Variants in PTPRQ observed in about 807,000 individuals in gnomAD.
PTPRQ encodes the protein phosphatidylinositol phosphatase PTPRQ.
Under a neutral mutation model 246.0 loss-of-function variants are expected in PTPRQ, and 199 were observed. The ratio of observed to expected loss-of-function variants is 0.81; its 90% CI spans 0.72 to 0.91. The LOEUF (loss-of-function observed/expected upper bound fraction) is 0.91. PTPRQ is among the 40% of genes least tolerant of loss of function. PTPRQ has a pLI of 0.00. For missense variants in PTPRQ, 2,624 were observed against 2,528.4 expected (o/e 1.04, Z -0.81); for synonymous variants, 869 against 853.2 (o/e 1.02, Z -0.32).
chr12:80,579,418 C>T lies in PTPRQ; in HGVS notation c.4286-8711C>T, dbSNP rs151049897. On this transcript the variant is annotated intron_variant, in intron 25 of 44. Coordinates refer to ENST00000644991, the MANE Select transcript of PTPRQ (RefSeq NM_001145026.2). ...TTGTTGCCACTTATGTATCTCTCCCCGTACTCAACCCACTGAATCCTTTTT... is the reference window on the plus strand; with the variant it reads ...TTGTTGCCACTTATGTATCTCTCCCTGTACTCAACCCACTGAATCCTTTTT... 1.4e-4 allele frequency among the ~76,000 whole-genome samples: 22 copies of T among 152,270 alleles called. 2 individuals are homozygous for T. The highest frequency in any genetic ancestry group is 4.1e-4 in the African/African-American group (17 of 41,552).
intron 24 of PTPRQ, 139 bp from the exon 25 acceptor site, chr12:80,549,326 T>A: frequency 9.2e-7 from 1 of 1,087,374 alleles, no homozygotes; most frequent in Non-Finnish European, 1.3e-6. Flanking sequence ...AATGACTTTT[T>A]AAGCACACAT....
At chr12:80,637,734 C>G (rs770742710) in intron 35 of PTPRQ, among the ~76,000 whole-genome samples, 1 of 152,064 alleles carries the variant, frequency 6.6e-6, no homozygotes, top group Non-Finnish European at 1.5e-5. Context: ...GAAAAAATAA[C>G]AAATATAATT....
intron 23 of PTPRQ, 52 bp from the exon 24 acceptor site, chr12:80,546,504 T>C (rs1038177039): frequency 6.7e-7 from 1 of 1,489,792 alleles, no homozygotes; most frequent in East Asian, 2.5e-5. Flanking sequence ...ATTCCATTGA[T>C]GAACAATTTT....
intron 26 of PTPRQ, among the ~76,000 whole-genome samples, chr12:80,597,212 A>G (rs930534722): frequency 1.3e-5 from 2 of 151,892 alleles, no homozygotes; most frequent in African/African-American, 4.8e-5. Context: ...TATCCTAGAT[A>G]TTTTTTACCC....
In PTPRQ at chr12:80,613,645, A is replaced by T. The variant is rs765353160; in HGVS notation, c.4972A>T (p.Thr1658Ser). ...MTFQKIPDEV[T>S]KFQLTFLPPS... ...ATTTCAGAAGATACCAGATGAAGTT[A>T]CAAAATTTCAATTAACGTTCCTTCC... The change falls in exon 29 of 45, where the codon ACA (threonine) becomes TCA (serine). Residue 1658 changes from threonine to serine, a missense_variant. Thr to Ser is a moderately conservative substitution (Grantham distance 58). Transcript: ENST00000644991. 3.2e-6 allele frequency: 5 copies of T among 1,545,632 alleles called. No individual in the cohort carries two copies. Among genetic ancestry groups the T allele is most frequent in the East Asian group, 2.5e-5 (1 of 40,712 alleles).
At position 80,513,086 on chromosome 12, in the gene PTPRQ, T is replaced by A. The variant is rs185075338; in HGVS notation, c.2678+2643T>A. ...TGTGTTACAGTATGCTCTTTTAGTT[T>A]AGCCATCCGTAGGGGGCTTGTGTTA... On this transcript the variant is annotated intron_variant, in intron 17 of 44. Transcript: ENST00000644991. Among the ~76,000 whole-genome samples the A allele has an allele frequency of 5.8e-3, 884 of 152,206 alleles. 10 individuals carry two copies. Among genetic ancestry groups the A allele is most frequent in the African/African-American group, 0.021 (858 of 41,520 alleles).
chr12:80,478,666 C>T (rs980596435), intron 8 of PTPRQ, among the ~76,000 whole-genome samples: 1 of 152,062 alleles, frequency 6.6e-6, no homozygotes, highest in Admixed American at 6.5e-5. Context: ...ATAACCAATA[C>T]AGAGAAGTGC....
intron 27 of PTPRQ, among the ~76,000 whole-genome samples, chr12:80,609,477 T>G (rs560930818): frequency 2.7e-5 from 4 of 150,638 alleles, no homozygotes; most frequent in Non-Finnish European, 6.0e-5. Context: ...GTATGTATGA[T>G]AGGATTTTGA....
intron 6 of PTPRQ, among the ~76,000 whole-genome samples, chr12:80,467,957 T>C (rs564659056): frequency 1.3e-5 from 2 of 152,294 alleles, no homozygotes; most frequent in African/African-American, 2.4e-5. Context: ...TGTATACATA[T>C]GTAACTAACC....
In PTPRQ at chr12:80,541,621, GGGTCCCACCGGCTCAACCAAAC is replaced by G; in HGVS notation, c.3226_3247del (p.Pro1076Ter). Reference sequence around the variant, plus strand: ...TCGTCAACTGCAATAAATGTAAGCTGGGTCCCACCGGCTCAACCAAACGGTCTAGTCTTCTACTATGTTTCAC... The same window carrying G: ...TCGTCAACTGCAATAAATGTAAGCTGGGTCTAGTCTTCTACTATGTTTCAC... On this transcript the variant is annotated frameshift_variant, in exon 21 of 45. Coordinates refer to ENST00000644991, the MANE Select transcript of PTPRQ (RefSeq NM_001145026.2). LOFTEE classifies it high-confidence loss of function. 1 of 1,547,548 alleles carries G rather than the reference GGGTCCCACCGGCTCAACCAAAC, an allele frequency of 6.5e-7. No individual in the cohort carries two copies. Among genetic ancestry groups the G allele is most frequent in the Non-Finnish European group, 8.7e-7 (1 of 1,145,164 alleles).
intron 14 of PTPRQ, among the ~76,000 whole-genome samples, chr12:80,500,870 T>C (rs918696055): frequency 6.6e-5 from 10 of 151,932 alleles, no homozygotes; most frequent in African/African-American, 1.7e-4. Flanking sequence ...AAATTTGTGA[T>C]TTTTGGTAGT....
intron 16 of PTPRQ, among the ~76,000 whole-genome samples, chr12:80,507,212 G>A (rs4635147): frequency 0.87 from 131,410 of 151,828 alleles, 57,550 homozygotes; most frequent in Non-Finnish European, 0.93. Flanking sequence ...CCCAAATAAA[G>A]TCAACTTTAC....
intron 26 of PTPRQ, among the ~76,000 whole-genome samples, chr12:80,597,906 G>C (rs190926763): frequency 5.1e-4 from 77 of 152,092 alleles, no homozygotes; most frequent in Middle Eastern, 3.4e-3. Flanking sequence ...TTATAAACAT[G>C]ATGCTATTCT....
At chr12:80,547,906 T>C (rs1896356274) in intron 24 of PTPRQ, among the ~76,000 whole-genome samples, 1 of 152,072 alleles carries the variant, frequency 6.6e-6, no homozygotes, top group Admixed American at 6.6e-5. Flanking sequence ...GAAGCCATGA[T>C]TGAGCTAGAT....
At chr12:80,532,386 A>C (rs984080552) in intron 17 of PTPRQ, among the ~76,000 whole-genome samples, 100 of 151,838 alleles carry the variant, frequency 6.6e-4, no homozygotes, top group African/African-American at 2.2e-3. Flanking sequence ...ACGCAGGGCT[A>C]ATTTTTTTAT....
At chr12:80,587,196 A>G (rs745478429) in intron 25 of PTPRQ, among the ~76,000 whole-genome samples, 6 of 152,208 alleles carry the variant, frequency 3.9e-5, no homozygotes, top group African/African-American at 7.2e-5. Flanking sequence ...TTGAATTAAT[A>G]TATCTTTAGA....
Position 80,445,709 on chromosome 12 carries a change from G to A in PTPRQ, c.382G>A (p.Glu128Lys), listed in dbSNP as rs1479476966. ...TAATCTTAATCCTGGAACAACATATGAAATTAAGGTAATTATTTTGTGTAT... is the reference window on the plus strand; with the variant it reads ...TAATCTTAATCCTGGAACAACATATAAAATTAAGGTAATTATTTTGTGTAT... ...LTNLNPGTTY[E>K]IKVAAENSAG... Residue 128 changes from glutamate to lysine, a missense_variant, in exon 3 of 45, where the codon GAA (glutamate) becomes AAA (lysine). Transcript: ENST00000644991. The A allele has an allele frequency of 1.1e-5, 17 of 1,527,064 alleles. No individual in the cohort carries two copies. The highest frequency in any genetic ancestry group is 1.4e-5 in the Non-Finnish European group (16 of 1,125,202). The allele number at this position is 1,527,064 out of a possible 1,614,324, so 94.6% of individuals were successfully genotyped here.
intron 7 of PTPRQ, among the ~76,000 whole-genome samples, chr12:80,470,349 G>T (rs1456240674): frequency 6.6e-6 from 1 of 150,674 alleles, no homozygotes; most frequent in Non-Finnish European, 1.5e-5. Context: ...TAGTTGTGTT[G>T]GTGGGAGCCT....
chr12:80,657,509 A>G (rs1484512715), intron 38 of PTPRQ, among the ~76,000 whole-genome samples: 2 of 151,776 alleles, frequency 1.3e-5, no homozygotes, highest in Admixed American at 6.6e-5. Context: ...TCCTATATAT[A>G]TGCAATATGC....
Sources: allele counts gnomAD v4.1 joint callset (sites outside exome capture counted in the v4.1 genomes callset), GRCh38; gene constraint gnomAD v4.1.1; transcripts MANE v1.5; gene names NCBI Gene and HGNC (gene_info 2026-07-23, HGNC 2026-07-21).